Variants in KCNK2 observed in about 807,000 individuals in gnomAD.
KCNK2 encodes potassium two pore domain channel subfamily K member 2.
In KCNK2, 21 loss-of-function variants were observed where a neutral mutation model predicts 40.5. The ratio of observed to expected loss-of-function variants is 0.52; its 90% CI spans 0.37 to 0.75. The LOEUF (loss-of-function observed/expected upper bound fraction) is 0.75. Ranked by LOEUF, KCNK2 falls within the 30% of genes least tolerant of loss-of-function variation. The pLI is 0.00. For missense variants in KCNK2, 399 were observed against 531.6 expected, an observed-to-expected ratio of 0.75 and a Z score of 2.45; for synonymous variants, 191 against 202.2, an observed-to-expected ratio of 0.94 and a Z score of 0.47.
At chr1:215,201,662 G>A (rs1665085319) in intron 6 of KCNK2, among the ~76,000 whole-genome samples, 1 of 152,108 alleles carries the variant, frequency 6.6e-6, no homozygotes, top group Non-Finnish European at 1.5e-5. Flanking sequence ...TTGGGTGCTG[G>A]GAGTAACTCT....
chr1:215,205,678 T>A lies in KCNK2; in HGVS notation c.963+10586T>A, dbSNP rs1431841170. ...CAATGAGCAGAGTCCCCTGCTGACT[T>A]GTTGTGGATATTTAGCCAGAACAAG... is the stretch of plus-strand genomic sequence containing the variant. On this transcript the variant is annotated intron_variant, in intron 6 of 6. Transcript: ENST00000444842. Among the ~76,000 whole-genome samples the A allele has an allele frequency of 4.6e-5, 7 of 152,242 alleles. No homozygotes were observed. The East Asian group carries it at 1.4e-3, about 29-fold the overall frequency.
intron 1 of KCNK2, among the ~76,000 whole-genome samples, chr1:215,022,798 A>T (rs901525674): frequency 2.0e-5 from 3 of 152,142 alleles, no homozygotes; most frequent in South Asian, 2.1e-4. Flanking sequence ...GCTAATCTTT[A>T]TCTTGTCTAA....
chr1:215,008,670 A>G (rs1467163251), intron 1 of KCNK2, among the ~76,000 whole-genome samples: 1 of 152,194 alleles, frequency 6.6e-6, no homozygotes, highest in Non-Finnish European at 1.5e-5. Context: ...TGGGCTTTAG[A>G]GACCTTTCTA....
At chr1:215,005,799 A>G, upstream of KCNK2, 3 of 823,324 alleles carry the variant, frequency 3.6e-6, no homozygotes, top group African/African-American at 3.4e-5. Context: ...AAAAGGAAAC[A>G]GTATGGGACG....
At chr1:215,230,478 T>TACACAC (rs1160868753) in intron 6 of KCNK2, among the ~76,000 whole-genome samples, 2 of 85,056 alleles carry the variant, frequency 2.4e-5, no homozygotes, top group East Asian at 2.4e-4. Context: ...GATATATATA[T>TACACAC]ACACACACAC....
At chr1:215,215,909 C>T (rs1665939949) in intron 6 of KCNK2, among the ~76,000 whole-genome samples, 1 of 152,146 alleles carries the variant, frequency 6.6e-6, no homozygotes, top group Admixed American at 6.6e-5. Context: ...ACAATATTTC[C>T]ATTGTCCCTT....
chr1:215,035,906 G>A (rs75789859), intron 1 of KCNK2, among the ~76,000 whole-genome samples: 6,457 of 145,248 alleles, frequency 0.044, 311 homozygotes, highest in African/African-American at 0.12. Flanking sequence ...TTGGTATTGC[G>A]GATTTTGATT....
At chr1:215,208,490 T>A (rs557112489) in intron 6 of KCNK2, among the ~76,000 whole-genome samples, 1 of 151,960 alleles carries the variant, frequency 6.6e-6, no homozygotes, top group Non-Finnish European at 1.5e-5. Flanking sequence ...TTCACATGCA[T>A]CCCCCATCCT....
At chr1:215,138,095 G>C (rs2363554) in intron 3 of KCNK2, among the ~76,000 whole-genome samples, 1 of 152,028 alleles carries the variant, frequency 6.6e-6, no homozygotes, top group Non-Finnish European at 1.5e-5. Flanking sequence ...TATTAGAAAC[G>C]TAGTAACATG....
chr1:215,028,391 ATAAAATAAAATAAAG>A (rs1329705235), intron 1 of KCNK2, among the ~76,000 whole-genome samples: 1 of 152,120 alleles, frequency 6.6e-6, no homozygotes, highest in Non-Finnish European at 1.5e-5. Flanking sequence ...ATCTCAAAAA[ATAAAATAAAATAAAG>A]TAAAATAAAA....
chr1:215,104,911 T>C (rs930364086), intron 2 of KCNK2, among the ~76,000 whole-genome samples: 1 of 152,178 alleles, frequency 6.6e-6, no homozygotes, highest in South Asian at 2.1e-4. Context: ...CCTGATTATC[T>C]CATTTTGTAA....
intron 1 of KCNK2, among the ~76,000 whole-genome samples, chr1:215,070,364 C>T (rs527817101): frequency 2.1e-4 from 30 of 143,426 alleles, no homozygotes; most frequent in Non-Finnish European, 3.1e-4. Flanking sequence ...TGCAGTGAGC[C>T]GAGATTGCAC....
At chr1:215,069,231 T>C (rs1435676176) in intron 1 of KCNK2, among the ~76,000 whole-genome samples, 1 of 152,174 alleles carries the variant, frequency 6.6e-6, no homozygotes, top group African/African-American at 2.4e-5. Flanking sequence ...GGCTCTCACC[T>C]ATCTGCGCTT....
intron 5 of KCNK2, among the ~76,000 whole-genome samples, chr1:215,186,427 A>G (rs986098961): frequency 1.3e-5 from 2 of 152,238 alleles, no homozygotes; most frequent in Admixed American, 6.5e-5. Flanking sequence ...TCCTATTTCT[A>G]TGTATTTCTA....
chr1:215,133,706 T>C (rs529049538), intron 3 of KCNK2, among the ~76,000 whole-genome samples: 2 of 152,234 alleles, frequency 1.3e-5, no homozygotes, highest in East Asian at 3.9e-4. Context: ...GGGTGCATAT[T>C]GCATGATGTT....
chr1:215,035,444 A>G (rs1657350503), intron 1 of KCNK2, among the ~76,000 whole-genome samples: 1 of 152,060 alleles, frequency 6.6e-6, no homozygotes, highest in African/African-American at 2.4e-5. Flanking sequence ...CAATTCCAGG[A>G]AACCACTGAT....
intron 1 of KCNK2, among the ~76,000 whole-genome samples, chr1:215,065,851 C>A (rs888185920): frequency 6.6e-6 from 1 of 152,130 alleles, no homozygotes; most frequent in Non-Finnish European, 1.5e-5. Flanking sequence ...TCAAAGAAAG[C>A]CAGATGTAAT....
intron 2 of KCNK2, among the ~76,000 whole-genome samples, chr1:215,105,806 T>C (rs1177001807): frequency 6.6e-6 from 1 of 152,040 alleles, no homozygotes; most frequent in East Asian, 1.9e-4. Context: ...CTGTGCATAC[T>C]CAATGTTTAG....
At chr1:215,015,058 A>G (rs1049895574) in intron 1 of KCNK2, among the ~76,000 whole-genome samples, 1 of 152,174 alleles carries the variant, frequency 6.6e-6, no homozygotes, top group African/African-American at 2.4e-5. Flanking sequence ...ATGGTTATGA[A>G]AGTGAACTCT....
Sources: allele counts gnomAD v4.1 joint callset (sites outside exome capture counted in the v4.1 genomes callset), GRCh38; gene constraint gnomAD v4.1.1; transcripts MANE v1.5; gene names NCBI Gene and HGNC (gene_info 2026-07-23, HGNC 2026-07-21).